Variants in PIP5K1B observed in about 807,000 individuals in gnomAD.
PIP5K1B encodes the protein phosphatidylinositol-4-phosphate 5-kinase type 1 beta.
Under a neutral mutation model 67.0 loss-of-function variants are expected in PIP5K1B, and 42 were observed. That is an observed-to-expected ratio of 0.63 (90% CI 0.49 to 0.81). The LOEUF is 0.81. Among genes scored for constraint, PIP5K1B ranks in the 30% least tolerant of loss-of-function variants. The probability of loss-of-function intolerance (pLI) is 0.00; values close to 1 mark genes in which losing one functional copy is unlikely to be tolerated. For synonymous variants in PIP5K1B, 214 were observed against 231.4 expected (o/e 0.92, Z 0.68); for missense variants, 459 against 646.3 (o/e 0.71, Z 3.14).
At chr9:68,798,837 A>C (rs1251384444) in intron 2 of PIP5K1B, among the ~76,000 whole-genome samples, 2 of 152,216 alleles carry the variant, frequency 1.3e-5, no homozygotes, top group Non-Finnish European at 2.9e-5. Flanking sequence ...ATATTAGTCT[A>C]GGCAAGAGAT....
intron 1 of PIP5K1B, among the ~76,000 whole-genome samples, chr9:68,732,775 G>A (rs2132293027): frequency 6.6e-6 from 1 of 152,276 alleles, no homozygotes; most frequent in Non-Finnish European, 1.5e-5. Flanking sequence ...AGAACACAGT[G>A]GAGTAGAAAG....
intron 14 of PIP5K1B, among the ~76,000 whole-genome samples, chr9:68,960,199 G>C (rs147568772): frequency 1.3e-5 from 2 of 152,188 alleles, no homozygotes; most frequent in Non-Finnish European, 2.9e-5. Flanking sequence ...GGTTTTCAAA[G>C]GCATTATTCC....
intron 4 of PIP5K1B, among the ~76,000 whole-genome samples, chr9:68,828,130 C>T (rs1223363130): frequency 2.6e-5 from 4 of 152,178 alleles, no homozygotes; most frequent in Non-Finnish European, 4.4e-5. Context: ...TCATGGGAAA[C>T]GTGCACTGCC....
At chr9:69,003,424 C>CT (rs2133036687) in intron 15 of PIP5K1B, among the ~76,000 whole-genome samples, 1 of 147,742 alleles carries the variant, frequency 6.8e-6, no homozygotes, top group African/African-American at 2.5e-5. Flanking sequence ...AAAGCTCTTG[C>CT]TTTAATAAGG....
chr9:68,820,474 G>A (rs1007523730), intron 3 of PIP5K1B, among the ~76,000 whole-genome samples: 1 of 152,060 alleles, frequency 6.6e-6, no homozygotes, highest in Non-Finnish European at 1.5e-5. Context: ...ATCTAGTGAG[G>A]TTGGCTCACC....
Position 68,917,733 on chromosome 9 carries a change from T to C in PIP5K1B, c.957T>C (p.Asp319=), listed in dbSNP as rs1826171698. The change falls in exon 9 of 16, where the codon GAT becomes GAC. Residue 319 remains aspartate, a synonymous_variant. Coordinates refer to ENST00000265382, the MANE Select transcript of PIP5K1B (RefSeq NM_003558.4). The part of the protein sequence containing the change: ...ESIQGPGKSG[D]GIITENPDTM... ...TCCAGGGTCCAGGGAAATCTGGAGA[T>C]GGGATAATCACAGAGAACCCAGACA... The C allele has an allele frequency of 2.5e-6, 4 of 1,614,034 alleles. No homozygotes were observed. Among genetic ancestry groups the C allele is most frequent in the Middle Eastern group, 1.7e-4 (1 of 6,052 alleles).
At chr9:68,978,621 G>C (rs1370070714) in intron 14 of PIP5K1B, among the ~76,000 whole-genome samples, 1 of 152,228 alleles carries the variant, frequency 6.6e-6, no homozygotes, top group Non-Finnish European at 1.5e-5. Context: ...CACTTGGAAT[G>C]AAGTAGGCAC....
At chr9:68,880,839 G>A (rs143926664) in intron 6 of PIP5K1B, among the ~76,000 whole-genome samples, 1 of 152,248 alleles carries the variant, frequency 6.6e-6, no homozygotes, top group Non-Finnish European at 1.5e-5. Flanking sequence ...TGCCTGCACT[G>A]GGGACACCTG....
intron 14 of PIP5K1B, among the ~76,000 whole-genome samples, chr9:68,948,972 G>A (rs1827930325): frequency 6.6e-6 from 1 of 152,116 alleles, no homozygotes; most frequent in African/African-American, 2.4e-5. Flanking sequence ...GAATTCATGT[G>A]AGATAATATT....
chr9:68,877,232 G>A lies in PIP5K1B; in HGVS notation c.318+438G>A, dbSNP rs115203004. On this transcript the variant is annotated intron_variant, in intron 6 of 15. Coordinates refer to ENST00000265382, the MANE Select transcript of PIP5K1B (RefSeq NM_003558.4). ...GTAAACATTGTAAAGAATCTGGATA[G>A]TTTTGTTCTCAAGATCTCTTCAGGC... is the stretch of plus-strand genomic sequence containing the variant. Among the ~76,000 whole-genome samples the A allele has an allele frequency of 6.2e-3, 944 of 152,296 alleles. 11 individuals are homozygous for A. Among genetic ancestry groups the A allele is most frequent in the African/African-American group, 0.021 (877 of 41,552 alleles).
At chr9:68,964,389 T>C (rs917678184) in intron 14 of PIP5K1B, among the ~76,000 whole-genome samples, 1 of 152,210 alleles carries the variant, frequency 6.6e-6, no homozygotes, top group African/African-American at 2.4e-5. Context: ...AAACATCCGA[T>C]CTTAGCTATC....
At chr9:68,977,657 T>C (rs1387972851) in intron 14 of PIP5K1B, among the ~76,000 whole-genome samples, 3 of 147,874 alleles carry the variant, frequency 2.0e-5, no homozygotes, top group African/African-American at 7.4e-5. Flanking sequence ...ATTGGCTTCT[T>C]TTTTTTTTTT....
chr9:68,711,641 A>G (rs931370331), intron 1 of PIP5K1B, among the ~76,000 whole-genome samples: 4 of 152,242 alleles, frequency 2.6e-5, no homozygotes, highest in East Asian at 1.9e-4. Context: ...GCAGTCTGAT[A>G]GATGCTAATG....
chr9:68,957,441 A>G (rs181609803), intron 14 of PIP5K1B, among the ~76,000 whole-genome samples: 7 of 152,230 alleles, frequency 4.6e-5, no homozygotes, highest in Admixed American at 1.3e-4. Flanking sequence ...TTCACCCATC[A>G]CTAGGTTCAT....
At chr9:68,824,078 A>C (rs557672253) in intron 4 of PIP5K1B, 2 of 519,010 alleles carry the variant, frequency 3.9e-6, no homozygotes, top group Non-Finnish European at 3.8e-6. Context: ...GCAACAATAC[A>C]CTATTATTTA....
At chr9:68,989,264 A>G (rs536178341) in intron 14 of PIP5K1B, among the ~76,000 whole-genome samples, 122 of 152,286 alleles carry the variant, frequency 8.0e-4, no homozygotes, top group Admixed American at 3.5e-3. Context: ...CGGGAAAGAC[A>G]GAGATTATAA....
intron 2 of PIP5K1B, among the ~76,000 whole-genome samples, chr9:68,760,650 A>G (rs1830143938): frequency 6.6e-6 from 1 of 152,102 alleles, no homozygotes; most frequent in Non-Finnish European, 1.5e-5. Flanking sequence ...TTTAGCTAAC[A>G]GAGACCCCAT....
At chr9:68,900,137 T>C (rs1416110788) in intron 8 of PIP5K1B, among the ~76,000 whole-genome samples, 1 of 152,270 alleles carries the variant, frequency 6.6e-6, no homozygotes, top group Admixed American at 6.5e-5. Context: ...GTGTTGCGTA[T>C]GTACCATATT....
intron 15 of PIP5K1B, among the ~76,000 whole-genome samples, chr9:68,999,973 C>G (rs1325124105): frequency 6.6e-6 from 1 of 152,138 alleles, no homozygotes; most frequent in Non-Finnish European, 1.5e-5. Context: ...GGGGGTATGT[C>G]CTTCAGAGGT....
Sources: allele counts gnomAD v4.1 joint callset (sites outside exome capture counted in the v4.1 genomes callset), GRCh38; gene constraint gnomAD v4.1.1; transcripts MANE v1.5; gene names NCBI Gene and HGNC (gene_info 2026-07-23, HGNC 2026-07-21).